NAMPT: variants seen among roughly 807,000 people sequenced by gnomAD.
The protein encoded by NAMPT is nicotinamide phosphoribosyltransferase.
In NAMPT, 7 loss-of-function variants were observed where a neutral mutation model predicts 58.7. That is an observed-to-expected ratio of 0.12 (90% CI 0.07 to 0.22). NAMPT has a LOEUF of 0.22. Among genes scored for constraint, NAMPT ranks in the 10% least tolerant of loss-of-function variants. The pLI is 1.00. For synonymous variants in NAMPT, 145 were observed against 198.1 expected (o/e 0.73, Z 2.25); for missense variants, 271 against 567.9 (o/e 0.48, Z 5.31).
intron 1 of NAMPT, among the ~76,000 whole-genome samples, chr7:106,283,612 A>G (rs755441281): frequency 6.6e-6 from 1 of 152,218 alleles, no homozygotes; most frequent in Admixed American, 6.5e-5. Flanking sequence ...TTGAGGTATT[A>G]TCACGTATAC....
chr7:106,268,740 A>G, intron 5 of NAMPT, 140 bp from the exon 6 acceptor site: 8 of 653,312 alleles, frequency 1.2e-5, no homozygotes, highest in Non-Finnish European at 2.1e-5. Flanking sequence ...ATTTATTGTC[A>G]GACATAACAG....
At chr7:106,266,828 C>A (rs922281566) in intron 6 of NAMPT, among the ~76,000 whole-genome samples, 3 of 152,142 alleles carry the variant, frequency 2.0e-5, no homozygotes, top group Non-Finnish European at 4.4e-5. Flanking sequence ...CGTCTTTGCT[C>A]AAAAATGTCA....
chr7:106,282,661 G>A (rs143099895), intron 1 of NAMPT, among the ~76,000 whole-genome samples: 1 of 152,298 alleles, frequency 6.6e-6, no homozygotes, highest in Non-Finnish European at 1.5e-5. Context: ...CAGGATACAA[G>A]ACAAAACAAA....
At chr7:106,253,904 G>A (rs1792148559) in intron 9 of NAMPT, among the ~76,000 whole-genome samples, 1 of 152,100 alleles carries the variant, frequency 6.6e-6, no homozygotes, top group African/African-American at 2.4e-5. Flanking sequence ...AGAAGCAAGG[G>A]GGGTTGTTGT....
chr7:106,252,844 T>C (rs1003715646), intron 10 of NAMPT, among the ~76,000 whole-genome samples, 173 bp downstream of exon 10: 2 of 152,144 alleles, frequency 1.3e-5, no homozygotes, highest in African/African-American at 4.8e-5. Flanking sequence ...GTTTATGACG[T>C]AGACACTTGT....
intron 6 of NAMPT, among the ~76,000 whole-genome samples, chr7:106,266,963 G>A (rs576249018): frequency 6.6e-6 from 1 of 152,076 alleles, no homozygotes; most frequent in South Asian, 2.1e-4. Flanking sequence ...TCTCCCCTAC[G>A]CTCCCTACAA....
Position 106,251,199 on chromosome 7 carries a change from T to A in NAMPT, c.1366-6A>T. On this transcript the variant is annotated splice_region_variant and splice_polypyrimidine_tract_variant and intron_variant, in intron 10 of 10. Transcript: ENST00000222553. Reference sequence around the variant, plus strand: ...AAGACAGTATGGAGAAGATCCTGCATAAATGGAAATTTCATGATTATATTA... The same window carrying A: ...AAGACAGTATGGAGAAGATCCTGCAAAAATGGAAATTTCATGATTATATTA... The A allele has an allele frequency of 1.3e-6, 2 of 1,562,510 alleles. No homozygotes were observed. The highest frequency in any genetic ancestry group is 1.8e-6 in the Non-Finnish European group (2 of 1,134,180).
chr7:106,268,132 G>T (rs1358658211), intron 6 of NAMPT, among the ~76,000 whole-genome samples: 2 of 151,898 alleles, frequency 1.3e-5, no homozygotes, highest in East Asian at 3.9e-4. Flanking sequence ...AAAAGTGGCT[G>T]GTACTTACAG....
chr7:106,249,623 G>A lies in NAMPT; in HGVS notation c.*1460C>T, dbSNP rs1333807219. ...AACTTTTTGTGTAATTTTGTGTAAA[G>A]GGCAGGTTAATAAACATTTTGGGCT... is the stretch of plus-strand genomic sequence containing the variant. On this transcript the variant is annotated 3_prime_UTR_variant, in exon 11 of 11. Coordinates refer to ENST00000222553, the MANE Select transcript of NAMPT (RefSeq NM_005746.3). 6.6e-6 allele frequency: 1 copy of A among 152,012 alleles called. No individual in the cohort carries two copies. Among genetic ancestry groups the A allele is most frequent in the African/African-American group, 2.4e-5 (1 of 41,400 alleles). The allele number at this position is 152,012 out of a possible 1,614,324, so 9.4% of individuals were successfully genotyped here.
At chr7:106,268,359 G>T in intron 6 of NAMPT, 105 bp downstream of exon 6, 2 of 961,706 alleles carry the variant, frequency 2.1e-6, no homozygotes, top group Non-Finnish European at 3.1e-6. Context: ...AGTTCATGAA[G>T]ATGTACTGTA....
intron 9 of NAMPT, among the ~76,000 whole-genome samples, chr7:106,253,846 G>GT (rs1233492427): frequency 6.6e-6 from 1 of 152,116 alleles, no homozygotes; most frequent in Non-Finnish European, 1.5e-5. Flanking sequence ...GCATCCTCCT[G>GT]CCTCTGTCCC....
At chr7:106,285,144 C>T (rs1792848207), upstream of NAMPT, 3 of 1,280,610 alleles carry the variant, frequency 2.3e-6, no homozygotes, top group South Asian at 2.1e-5. Context: ...GTTCCCCCGC[C>T]TTCACCCCGT....
At position 106,248,959 on chromosome 7, in the gene NAMPT, CA is replaced by C. The variant is rs1286807405; in HGVS notation, c.*2123del. The C allele has an allele frequency of 6.6e-6, 1 of 152,002 alleles. No homozygotes were observed. Among genetic ancestry groups the C allele is most frequent in the Non-Finnish European group, 1.5e-5 (1 of 67,954 alleles). 9.4% of individuals were successfully genotyped at this position (152,002 alleles called of 1,614,324 possible). ...AACAAAGAGATAGCTTTTTTCACTGCAAATTTCTAAATTAAACTCTATTCTG... is the reference window on the plus strand; with the variant it reads ...AACAAAGAGATAGCTTTTTTCACTGCAATTTCTAAATTAAACTCTATTCTG... On this transcript the variant is annotated 3_prime_UTR_variant, in exon 11 of 11. Transcript: ENST00000222553.
intron 6 of NAMPT, among the ~76,000 whole-genome samples, chr7:106,264,742 T>C (rs1177494710): frequency 2.0e-5 from 3 of 152,122 alleles, no homozygotes; most frequent in African/African-American, 7.2e-5. Flanking sequence ...AGTCCGCCTC[T>C]AATCTGTTCT....
At chr7:106,276,855 A>AC (rs377139938) in intron 2 of NAMPT, 168 bp downstream of exon 2, 23,124 of 498,058 alleles carry the variant, frequency 0.046, 11 homozygotes, top group East Asian at 0.12. Context: ...AAAAAAAAAA[A>AC]AAACCTTTTA....
chr7:106,285,088 G>C, upstream of NAMPT: 1 of 1,349,788 alleles, frequency 7.4e-7, no homozygotes, highest in Non-Finnish European at 9.6e-7. Flanking sequence ...GGCTGCGGCG[G>C]CTCGCGTGCT....
intron 6 of NAMPT, among the ~76,000 whole-genome samples, chr7:106,266,638 A>C (rs2115772061): frequency 6.6e-6 from 1 of 152,292 alleles, no homozygotes; most frequent in African/African-American, 2.4e-5. Context: ...GCCATTGCTC[A>C]TGTTTACCTA....
chr7:106,266,515 T>C lies in NAMPT; in HGVS notation c.743+1949A>G, dbSNP rs531403612. 2.0e-5 allele frequency among the ~76,000 whole-genome samples: 3 copies of C among 152,358 alleles called. No homozygotes were observed. The East Asian group carries it at 5.8e-4, about 29-fold the overall frequency. The stretch of plus-strand genomic sequence containing the variant: ...CAGTTTCCTAGTCTTGAAAGTTGTA[T>C]GTAAAAGTGTTCAACAAGGCCTTAC... On this transcript the variant is annotated intron_variant, in intron 6 of 10. Coordinates refer to ENST00000222553, the MANE Select transcript of NAMPT (RefSeq NM_005746.3).
intron 1 of NAMPT, among the ~76,000 whole-genome samples, chr7:106,279,171 CCTTTA>C (rs978284744): frequency 1.2e-4 from 18 of 152,144 alleles, no homozygotes; most frequent in African/African-American, 3.9e-4. Context: ...TAAAAACCTA[CCTTTA>C]CTTAGAATGC....
Sources: allele counts gnomAD v4.1 joint callset (sites outside exome capture counted in the v4.1 genomes callset), GRCh38; gene constraint gnomAD v4.1.1; transcripts MANE v1.5; gene names NCBI Gene and HGNC (gene_info 2026-07-23, HGNC 2026-07-21).